MON2: variants seen among roughly 807,000 people sequenced by gnomAD.
MON2 encodes the protein protein MON2 homolog.
A neutral mutation model predicts 208.6 loss-of-function variants in MON2; 84 were observed. The observed-to-expected ratio is 0.40, with a 90% CI of 0.34 to 0.48. MON2 has a LOEUF of 0.48. MON2 is among the 20% of genes least tolerant of loss of function. MON2 has a pLI of 0.59. For synonymous variants in MON2, 660 were observed against 694.0 expected (o/e 0.95, Z 0.77); for missense variants, 1,611 against 2,015.4 (o/e 0.80, Z 3.84).
At chr12:62,588,895 C>A in intron 34 of MON2, 3 of 1,472,668 alleles carry the variant, frequency 2.0e-6, no homozygotes, top group Non-Finnish European at 2.7e-6. Context: ...TACTTTTAAA[C>A]CTTGTTTTTA....
chr12:62,541,770 T>A (rs2073253797), intron 19 of MON2, among the ~76,000 whole-genome samples: 1 of 152,210 alleles, frequency 6.6e-6, no homozygotes, highest in African/African-American at 2.4e-5. Context: ...ACATTCTAGG[T>A]TTTTGAGTAA....
At position 62,532,686 on chromosome 12, in the gene MON2, T is replaced by C; in HGVS notation, c.1633+16T>C. The C allele has an allele frequency of 1.9e-6, 3 of 1,564,036 alleles. No individual in the cohort carries two copies. In the South Asian group the frequency reaches 3.4e-5, roughly 18 times the overall value. On this transcript the variant is annotated intron_variant, in intron 12 of 34. Coordinates refer to ENST00000393630, the MANE Select transcript of MON2 (RefSeq NM_015026.3). ...AAGGAAATTGGTATGAGTCTGTATT[T>C]TTAATTTTTATTGGAAATAATTTGA... is the stretch of plus-strand genomic sequence containing the variant.
chr12:62,528,869 T>C (rs896028990), intron 11 of MON2, among the ~76,000 whole-genome samples: 2 of 152,190 alleles, frequency 1.3e-5, no homozygotes, highest in African/African-American at 4.8e-5. Flanking sequence ...TCACTTTCCT[T>C]TTATGTTTGG....
Position 62,538,327 on chromosome 12 carries a change from TAA to T in MON2, c.2273+3_2273+4del. ...TTCAAGATTGTTTGAAAGCTCACAG[TAA>T]GAGTCAGTTTTTTTAATTGATAAAA... On this transcript the variant is annotated splice_donor_region_variant and intron_variant, in intron 18 of 34. Coordinates refer to ENST00000393630, the MANE Select transcript of MON2 (RefSeq NM_015026.3). The T allele has an allele frequency of 6.2e-7, 1 of 1,610,148 alleles. No individual in the cohort carries two copies. Among genetic ancestry groups the T allele is most frequent in the East Asian group, 2.2e-5 (1 of 44,826 alleles).
intron 24 of MON2, among the ~76,000 whole-genome samples, chr12:62,554,868 C>T (rs142157343): frequency 1.1e-4 from 16 of 152,260 alleles, no homozygotes; most frequent in African/African-American, 3.8e-4. Context: ...GATCTCTGCT[C>T]ACTGCAAGCT....
intron 1 of MON2, among the ~76,000 whole-genome samples, chr12:62,476,877 G>T (rs1413416640): frequency 2.0e-5 from 3 of 152,208 alleles, no homozygotes; most frequent in Non-Finnish European, 4.4e-5. Flanking sequence ...CAGAGCAGGG[G>T]TTAGGTGTGG....
chr12:62,585,518 A>G lies in MON2; in HGVS notation c.4907+17A>G, dbSNP rs376713425. On this transcript the variant is annotated intron_variant, in intron 33 of 34. Coordinates refer to ENST00000393630, the MANE Select transcript of MON2 (RefSeq NM_015026.3). ...TCTTCCAAGGTATATATTTCATTTTATTAAAGAAATAAATGTATTGTTGTA... is the reference window on the plus strand; with the variant it reads ...TCTTCCAAGGTATATATTTCATTTTGTTAAAGAAATAAATGTATTGTTGTA... 3.3e-6 allele frequency: 5 copies of G among 1,514,352 alleles called. No homozygotes were observed. Among genetic ancestry groups the G allele is most frequent in the East Asian group, 2.3e-5 (1 of 43,030 alleles). The allele number at this position is 1,514,352 out of a possible 1,614,324, so 93.8% of individuals were successfully genotyped here.
At chr12:62,562,640 A>T (rs893855912) in intron 26 of MON2, among the ~76,000 whole-genome samples, 1 of 152,096 alleles carries the variant, frequency 6.6e-6, no homozygotes, top group African/African-American at 2.4e-5. Flanking sequence ...TTTTCCACAG[A>T]TGTAAGAAAA....
intron 20 of MON2, among the ~76,000 whole-genome samples, chr12:62,544,030 T>C (rs1181498719): frequency 5.3e-5 from 8 of 152,228 alleles, no homozygotes; most frequent in Admixed American, 4.6e-4. Flanking sequence ...TAATTCTTAA[T>C]AAATAGTTCC....
At chr12:62,476,929 T>G (rs1364520881) in intron 1 of MON2, among the ~76,000 whole-genome samples, 7 of 152,126 alleles carry the variant, frequency 4.6e-5, no homozygotes, top group African/African-American at 1.7e-4. Context: ...AGGCGAAGAC[T>G]GGAGGATCAC....
intron 29 of MON2, among the ~76,000 whole-genome samples, chr12:62,567,484 C>G (rs981522906): frequency 1.3e-5 from 2 of 152,188 alleles, no homozygotes; most frequent in Non-Finnish European, 2.9e-5. Context: ...TCCACAGAAA[C>G]TGCTTTCTTA....
intron 19 of MON2, among the ~76,000 whole-genome samples, chr12:62,542,069 C>T (rs2073266220): frequency 6.6e-6 from 1 of 152,108 alleles, no homozygotes; most frequent in Non-Finnish European, 1.5e-5. Flanking sequence ...CCAGTTAAAA[C>T]TTCATAGACA....
chr12:62,509,583 G>A (rs1471450598), intron 8 of MON2, among the ~76,000 whole-genome samples: 1 of 152,124 alleles, frequency 6.6e-6, no homozygotes, highest in Non-Finnish European at 1.5e-5. Flanking sequence ...CCTAACATCA[G>A]CAGAATACAC....
intron 22 of MON2, 47 bp from the exon 23 acceptor site, chr12:62,549,613 AAAATAAAT>A (rs1324946976): frequency 6.8e-7 from 1 of 1,461,450 alleles, no homozygotes; most frequent in African/African-American, 1.4e-5. Flanking sequence ...CCCTGTCTCA[AAAATAAAT>A]AAATAAATAA....
intron 8 of MON2, among the ~76,000 whole-genome samples, chr12:62,514,717 A>G (rs1405406822): frequency 6.6e-6 from 1 of 152,202 alleles, no homozygotes. Context: ...ACTTGGGAGA[A>G]AAGATTCACA....
intron 1 of MON2, among the ~76,000 whole-genome samples, chr12:62,469,881 A>ATTTTT (rs200769795): frequency 1.5e-5 from 2 of 130,128 alleles, no homozygotes; most frequent in Admixed American, 7.9e-5. Context: ...CTTGACTATT[A>ATTTTT]TTTTATTTAT....
intron 33 of MON2, chr12:62,587,826 A>G: frequency 6.6e-6 from 2 of 304,116 alleles, no homozygotes; most frequent in Non-Finnish European, 1.2e-5. Context: ...TCAGGAGTAG[A>G]TTGCCCCACC....
intron 26 of MON2, among the ~76,000 whole-genome samples, chr12:62,563,652 G>T (rs534326053): frequency 6.6e-6 from 1 of 151,922 alleles, no homozygotes; most frequent in Non-Finnish European, 1.5e-5. Context: ...AAAATTGTGG[G>T]TTCCAAATTA....
chr12:62,538,357 A>T (rs562507014), intron 18 of MON2, 32 bp downstream of exon 18: 6 of 1,592,000 alleles, frequency 3.8e-6, no homozygotes, highest in Non-Finnish European at 5.2e-6. Flanking sequence ...TGATAAAAAC[A>T]TTGTTATTTG....
Sources: gnomAD v4.1 joint callset for allele counts (sites outside exome capture counted in the v4.1 genomes callset) on GRCh38, gnomAD v4.1.1 for gene constraint, MANE v1.5 for transcripts, NCBI Gene and HGNC (gene_info 2026-07-23, HGNC 2026-07-21) for gene names.